Variants in PTPRD observed in about 807,000 individuals in gnomAD.
PTPRD encodes protein tyrosine phosphatase receptor type D, also known as receptor-type tyrosine-protein phosphatase delta.
In PTPRD, 34 loss-of-function variants were observed where a neutral mutation model predicts 214.5. The observed-to-expected ratio is 0.16, with a 90% CI of 0.12 to 0.21. PTPRD has a LOEUF of 0.21. Ranked by LOEUF, PTPRD falls within the 10% of genes least tolerant of loss-of-function variation. The pLI is 1.00. For missense variants in PTPRD, 2,545 were observed against 2,398.7 expected (o/e 1.06, Z -1.27); for synonymous variants, 1,128 against 845.7 (o/e 1.33, Z -5.79).
At chr9:9,553,140 C>G (rs1405530374) in intron 8 of PTPRD, among the ~76,000 whole-genome samples, 1 of 152,020 alleles carries the variant, frequency 6.6e-6, no homozygotes, top group Non-Finnish European at 1.5e-5. Context: ...ATGTAGCTTA[C>G]TGCAGTCGCC....
At chr9:10,611,914 C>CA (rs2081094028) in intron 2 of PTPRD, among the ~76,000 whole-genome samples, 1 of 150,848 alleles carries the variant, frequency 6.6e-6, no homozygotes, top group Non-Finnish European at 1.5e-5. Context: ...CGCCCCCCCC[C>CA]CCTTTTTTTT....
At chr9:8,338,053 C>T (rs1848695875) in intron 43 of PTPRD, among the ~76,000 whole-genome samples, 1 of 152,026 alleles carries the variant, frequency 6.6e-6, no homozygotes, top group Admixed American at 6.6e-5. Context: ...CAGCCAGGGC[C>T]AGGCTTTGGG....
chr9:9,278,638 C>T (rs1212573622), intron 9 of PTPRD, among the ~76,000 whole-genome samples: 1 of 151,312 alleles, frequency 6.6e-6, no homozygotes, highest in East Asian at 2.0e-4. Flanking sequence ...GGCAACATTA[C>T]AGTATGTGGT....
At chr9:9,455,869 G>A (rs749816240) in intron 8 of PTPRD, among the ~76,000 whole-genome samples, 2 of 151,588 alleles carry the variant, frequency 1.3e-5, no homozygotes, top group Non-Finnish European at 3.0e-5. Context: ...AGGGAAAGAG[G>A]GACCACATGA....
chr9:8,759,854 G>A (rs953288054), intron 11 of PTPRD, among the ~76,000 whole-genome samples: 3 of 152,034 alleles, frequency 2.0e-5, no homozygotes, highest in Non-Finnish European at 4.4e-5. Flanking sequence ...TCTTTCCCTT[G>A]TGCTGAAACA....
intron 14 of PTPRD, among the ~76,000 whole-genome samples, chr9:8,596,310 T>C (rs1462432960): frequency 6.6e-6 from 1 of 152,100 alleles, no homozygotes; most frequent in African/African-American, 2.4e-5. Flanking sequence ...TATACGCATT[T>C]ATAATACAGT....
chr9:9,113,142 T>G (rs903610376), intron 10 of PTPRD, among the ~76,000 whole-genome samples: 1 of 151,482 alleles, frequency 6.6e-6, no homozygotes, highest in African/African-American at 2.4e-5. Flanking sequence ...TTAAAAAATA[T>G]ATATATATTA....
intron 8 of PTPRD, among the ~76,000 whole-genome samples, chr9:9,536,630 T>C (rs2076568996): frequency 6.6e-6 from 1 of 151,944 alleles, no homozygotes; most frequent in Admixed American, 6.6e-5. Context: ...CTGAAAGCTT[T>C]TGAAGGTAAG....
chr9:8,319,772 G>T, intron 45 of PTPRD, 59 bp downstream of exon 45: 4 of 1,599,658 alleles, frequency 2.5e-6, no homozygotes, highest in Non-Finnish European at 3.4e-6. Flanking sequence ...GAGTCCGGGA[G>T]GTCCAGGCTA....
At chr9:9,802,445 T>G (rs1303429112) in intron 5 of PTPRD, among the ~76,000 whole-genome samples, 2 of 151,934 alleles carry the variant, frequency 1.3e-5, no homozygotes, top group African/African-American at 4.8e-5. Flanking sequence ...TGCTCCTAAA[T>G]TAGCCACAGA....
At chr9:10,065,185 A>AAGAAAGAAAGAAAGAAAGAAAG (rs1232526394) in intron 3 of PTPRD, among the ~76,000 whole-genome samples, 2 of 151,842 alleles carry the variant, frequency 1.3e-5, no homozygotes, top group African/African-American at 4.8e-5. Flanking sequence ...GAAAGAAAGA[A>AAGAAAGAAAGAAAGAAAGAAAG]AGAAAGAAAA....
chr9:8,805,672 G>A (rs1211238992), intron 11 of PTPRD, among the ~76,000 whole-genome samples: 4 of 150,610 alleles, frequency 2.7e-5, no homozygotes, highest in East Asian at 2.0e-4. Flanking sequence ...GCACAATCTC[G>A]GCTCACAGCA....
intron 6 of PTPRD, among the ~76,000 whole-genome samples, chr9:9,749,564 ATTCCT>A (rs1447825937): frequency 1.3e-5 from 2 of 152,180 alleles, no homozygotes; most frequent in Non-Finnish European, 2.9e-5. Flanking sequence ...AACAGTCTTA[ATTCCT>A]TTCATGACTC....
intron 3 of PTPRD, among the ~76,000 whole-genome samples, chr9:10,057,219 T>A (rs1332215472): frequency 6.6e-6 from 1 of 152,184 alleles, no homozygotes; most frequent in African/African-American, 2.4e-5. Flanking sequence ...TCTGCACATT[T>A]GCATTGATAT....
At chr9:9,482,554 G>C (rs753530401) in intron 8 of PTPRD, among the ~76,000 whole-genome samples, 1 of 152,098 alleles carries the variant, frequency 6.6e-6, no homozygotes, top group Non-Finnish European at 1.5e-5. Context: ...AAAAGCCAAA[G>C]AAGCATCACA....
intron 39 of PTPRD, among the ~76,000 whole-genome samples, chr9:8,358,540 T>C (rs2077536824): frequency 1.3e-5 from 2 of 152,220 alleles, no homozygotes. Flanking sequence ...CCAGAGCCTC[T>C]GTTTTCTCAC....
chr9:9,904,667 G>T (rs1274994019), intron 5 of PTPRD, among the ~76,000 whole-genome samples: 1 of 151,824 alleles, frequency 6.6e-6, no homozygotes, highest in African/African-American at 2.4e-5. Context: ...CTCCAAAAAA[G>T]GTGAACCATT....
intron 10 of PTPRD, among the ~76,000 whole-genome samples, chr9:9,163,435 AATC>A (rs1424835943): frequency 6.6e-6 from 1 of 151,814 alleles, no homozygotes; most frequent in Admixed American, 6.6e-5. Flanking sequence ...ACATCTAGTA[AATC>A]ATCAAGTAAT....
chr9:9,402,988 AACACC>A (rs1199322038), intron 8 of PTPRD, among the ~76,000 whole-genome samples: 56 of 144,112 alleles, frequency 3.9e-4, no homozygotes, highest in African/African-American at 1.2e-3. Context: ...AAAAAAAAAA[AACACC>A]AAAAAAAAAT....
Sources: gnomAD v4.1 joint callset for allele counts (sites outside exome capture counted in the v4.1 genomes callset) on GRCh38, gnomAD v4.1.1 for gene constraint, MANE v1.5 for transcripts, NCBI Gene and HGNC (gene_info 2026-07-23, HGNC 2026-07-21) for gene names.